CREM: variants seen among roughly 807,000 people sequenced by gnomAD.
CREM encodes cAMP responsive element modulator.
Under a neutral mutation model 37.3 loss-of-function variants are expected in CREM, and 13 were observed. The ratio of observed to expected loss-of-function variants is 0.35; its 90% CI spans 0.23 to 0.55. The LOEUF is 0.55. Among genes scored for constraint, CREM ranks in the 20% least tolerant of loss-of-function variants. The pLI, the probability that CREM is intolerant of heterozygous loss-of-function variation, is 0.88. For missense variants in CREM, 296 were observed against 362.3 expected (o/e 0.82, Z 1.49); for synonymous variants, 124 against 120.2 (o/e 1.03, Z -0.21).
At chr10:35,154,375 A>T (rs1212083289) in intron 3 of CREM, 1 of 290,950 alleles carries the variant, frequency 3.4e-6, no homozygotes, top group Non-Finnish European at 6.3e-6. Flanking sequence ...ATATTTGTAT[A>T]TTAAAGAGAT....
intron 3 of CREM, among the ~76,000 whole-genome samples, chr10:35,172,706 A>G (rs536290740): frequency 1.4e-4 from 20 of 145,986 alleles, no homozygotes; most frequent in African/African-American, 4.8e-4. Context: ...AGCTGCAGAA[A>G]GCACCCCCCC....
intron 6 of CREM, among the ~76,000 whole-genome samples, chr10:35,206,247 C>CAA (rs1032228778): frequency 1.8e-5 from 2 of 109,276 alleles, no homozygotes; most frequent in Non-Finnish European, 3.9e-5. Flanking sequence ...GACTCCGTCT[C>CAA]AAAAAAAAAA....
At chr10:35,172,828 T>C (rs1306182589) in intron 3 of CREM, among the ~76,000 whole-genome samples, 2 of 152,222 alleles carry the variant, frequency 1.3e-5, no homozygotes, top group African/African-American at 4.8e-5. Context: ...TTCAAAAGAA[T>C]GACTAATTTC....
intron 2 of CREM, among the ~76,000 whole-genome samples, chr10:35,139,163 C>T (rs945948037): frequency 6.6e-6 from 1 of 151,118 alleles, no homozygotes; most frequent in Non-Finnish European, 1.5e-5. Flanking sequence ...TCACTGTGTC[C>T]AGGCTGGATT....
chr10:35,166,786 A>G (rs1288290632), intron 3 of CREM, among the ~76,000 whole-genome samples: 2 of 152,150 alleles, frequency 1.3e-5, no homozygotes, highest in African/African-American at 4.8e-5. Flanking sequence ...AACCGAAATG[A>G]AGACCAACTA....
chr10:35,197,457 T>C (rs1213187838), intron 6 of CREM, among the ~76,000 whole-genome samples: 1 of 140,934 alleles, frequency 7.1e-6, no homozygotes, highest in East Asian at 2.0e-4. Context: ...TATTTATTTA[T>C]TTATTTATTT....
At chr10:35,188,659 A>ATT (rs34929610) in intron 6 of CREM, among the ~76,000 whole-genome samples, 11 of 138,676 alleles carry the variant, frequency 7.9e-5, no homozygotes, top group African/African-American at 1.6e-4. Context: ...ACATGAATGA[A>ATT]TTTTTTTTTT....
intron 6 of CREM, among the ~76,000 whole-genome samples, chr10:35,190,950 C>T (rs374813227): frequency 6.6e-6 from 1 of 152,136 alleles, no homozygotes; most frequent in African/African-American, 2.4e-5. Context: ...GCATGAGCCA[C>T]CATGCCCAGC....
At chr10:35,191,633 C>G (rs2094922798) in intron 6 of CREM, among the ~76,000 whole-genome samples, 1 of 152,170 alleles carries the variant, frequency 6.6e-6, no homozygotes, top group African/African-American at 2.4e-5. Context: ...GTATTTAACA[C>G]TGTCGACTTC....
chr10:35,127,772 C>T (rs1481262726), intron 1 of CREM, among the ~76,000 whole-genome samples: 2 of 152,228 alleles, frequency 1.3e-5, no homozygotes, highest in African/African-American at 4.8e-5. Context: ...TTCCCTTCTG[C>T]CTGAGTCTTG....
chr10:35,161,000 C>G (rs956996305), intron 3 of CREM, among the ~76,000 whole-genome samples: 1 of 152,108 alleles, frequency 6.6e-6, no homozygotes, highest in Non-Finnish European at 1.5e-5. Context: ...AAAGACCTGC[C>G]TGAGGCTGTT....
chr10:35,195,936 C>A, intron 6 of CREM: 2 of 857,380 alleles, frequency 2.3e-6, no homozygotes, highest in Non-Finnish European at 3.8e-6. Context: ...AGTTAACTAG[C>A]TCACCACTGC....
chr10:35,194,097 C>CAAAAAAAAAAAAAAAAAAAAA lies in CREM; in HGVS notation c.598+5716_598+5736dup, dbSNP rs371978117. Among the ~76,000 whole-genome samples the CAAAAAAAAAAAAAAAAAAAAA allele has an allele frequency of 5.5e-3, 137 of 25,050 alleles. 16 individuals carry two copies. Among genetic ancestry groups the CAAAAAAAAAAAAAAAAAAAAA allele is most frequent in the Non-Finnish European group, 6.4e-3 (96 of 14,894 alleles). The allele number at this position is 25,050 out of a possible 152,430, so 16.4% of individuals were successfully genotyped here. ...GGGGGAGAATAGCGAGACTTCATCT[C>CAAAAAAAAAAAAAAAAAAAAA]AAAAAAAAAAAAAAAAAAAAAAAAA... On this transcript the variant is annotated intron_variant, in intron 6 of 7. Coordinates refer to ENST00000685392, the MANE Select transcript of CREM (RefSeq NM_183011.2).
In CREM at chr10:35,178,792, G is replaced by A. The variant is rs968675560; in HGVS notation, c.169-97G>A. On this transcript the variant is annotated intron_variant, in intron 3 of 7. Transcript: ENST00000685392. ...TGCTCAGTTGCTTCCACAGCTCCTG[G>A]CTCAGTGCTGCACACACAGACTCTT... The A allele has an allele frequency of 9.3e-6, 8 of 856,272 alleles. No individual in the cohort carries two copies. The African/African-American group carries it at 1.0e-4, about 11-fold the overall frequency. 53.0% of individuals were successfully genotyped at this position (856,272 alleles called of 1,614,324 possible).
chr10:35,194,741 G>GT (rs33981809), intron 6 of CREM, among the ~76,000 whole-genome samples: 251 of 144,732 alleles, frequency 1.7e-3, no homozygotes, highest in East Asian at 0.012. Flanking sequence ...TAGTCAATGT[G>GT]TTTTTTTTTT....
At chr10:35,167,995 C>T (rs1416271924) in intron 3 of CREM, among the ~76,000 whole-genome samples, 1 of 152,140 alleles carries the variant, frequency 6.6e-6, no homozygotes, top group Admixed American at 6.5e-5. Flanking sequence ...TTTTTTATGG[C>T]TGCATAGTAT....
chr10:35,185,502 T>C (rs183669541), intron 5 of CREM, among the ~76,000 whole-genome samples: 5 of 152,242 alleles, frequency 3.3e-5, no homozygotes, highest in Admixed American at 2.0e-4. Flanking sequence ...AACTGAAAAA[T>C]ACACATTCAA....
chr10:35,146,506 T>C (rs2092129165), intron 2 of CREM, among the ~76,000 whole-genome samples: 1 of 152,208 alleles, frequency 6.6e-6, no homozygotes, highest in Non-Finnish European at 1.5e-5. Context: ...GCAGAACTAA[T>C]GTCCTGAGGT....
chr10:35,180,864 C>G (rs911511347), intron 5 of CREM, among the ~76,000 whole-genome samples: 1 of 152,226 alleles, frequency 6.6e-6, no homozygotes, highest in Admixed American at 6.5e-5. Flanking sequence ...CTGGTCAGCC[C>G]TGGCCTTGAG....
Sources: allele counts gnomAD v4.1 joint callset (sites outside exome capture counted in the v4.1 genomes callset), GRCh38; gene constraint gnomAD v4.1.1; transcripts MANE v1.5; gene names NCBI Gene and HGNC (gene_info 2026-07-23, HGNC 2026-07-21).